The following AGBL4 variants were observed in gnomAD, a reference collection of about 807,000 sequenced individuals.
AGBL4 encodes the protein cytosolic carboxypeptidase 6.
AGBL4 carries 58 observed loss-of-function variants against 66.4 expected under a neutral mutation model. The observed-to-expected ratio is 0.87, with a 90% CI of 0.71 to 1.09. The LOEUF (loss-of-function observed/expected upper bound fraction) is 1.09, where lower values mean the gene tolerates loss of function less well. Among genes scored for constraint, AGBL4 ranks in the 50% least tolerant of loss-of-function variants. AGBL4 has a pLI of 0.00. For missense variants in AGBL4, 579 were observed against 631.0 expected (o/e 0.92, Z 0.88); for synonymous variants, 234 against 222.9 (o/e 1.05, Z -0.44).
At chr1:50,005,832 A>C (rs1011840680) in intron 1 of AGBL4, among the ~76,000 whole-genome samples, 14 of 152,240 alleles carry the variant, frequency 9.2e-5, no homozygotes, top group African/African-American at 3.4e-4. Flanking sequence ...ATCAAGCAGA[A>C]AATCTGTAGT....
intron 5 of AGBL4, among the ~76,000 whole-genome samples, chr1:49,019,463 A>G (rs1663075033): frequency 6.6e-6 from 1 of 152,204 alleles, no homozygotes; most frequent in Non-Finnish European, 1.5e-5. Flanking sequence ...AGTGTAGAAA[A>G]TGTAAATGAA....
chr1:49,318,723 C>A (rs1221263937), intron 3 of AGBL4, among the ~76,000 whole-genome samples: 1 of 152,006 alleles, frequency 6.6e-6, no homozygotes, highest in African/African-American at 2.4e-5. Context: ...GATTGAAAGG[C>A]AGGCAATCTG....
intron 4 of AGBL4, among the ~76,000 whole-genome samples, chr1:49,115,509 T>C (rs558901972): frequency 1.3e-5 from 2 of 152,318 alleles, no homozygotes; most frequent in South Asian, 2.1e-4. Context: ...CAATAGCCTG[T>C]ATTTATATCC....
Position 49,936,632 on chromosome 1 carries a change from G to A in AGBL4, c.35-85114C>T, listed in dbSNP as rs372882316. Among the ~76,000 whole-genome samples the A allele has an allele frequency of 4.6e-4, 70 of 152,242 alleles. No individual in the cohort carries two copies. The East Asian group carries it at 5.6e-3, about 12-fold the overall frequency. On this transcript the variant is annotated intron_variant, in intron 1 of 13. Transcript: ENST00000371839. Reference sequence around the variant, plus strand: ...AAGGGAAGCCCATCAGACTAACAGCGGATCTCTCGGCAGAAACTCTACAAG... The same window carrying A: ...AAGGGAAGCCCATCAGACTAACAGCAGATCTCTCGGCAGAAACTCTACAAG...
intron 12 of AGBL4, among the ~76,000 whole-genome samples, chr1:48,537,349 A>G (rs188524701): frequency 6.6e-5 from 10 of 152,228 alleles, no homozygotes; most frequent in African/African-American, 1.7e-4. Flanking sequence ...ATGAGGAAGG[A>G]GCTCTCTAGA....
At chr1:49,238,069 T>G (rs1381108322) in intron 4 of AGBL4, among the ~76,000 whole-genome samples, 1 of 152,182 alleles carries the variant, frequency 6.6e-6, no homozygotes, top group Non-Finnish European at 1.5e-5. Flanking sequence ...CTGTATTCCA[T>G]TTTATTCCTA....
intron 4 of AGBL4, among the ~76,000 whole-genome samples, chr1:49,112,392 G>T (rs757107219): frequency 6.7e-4 from 102 of 152,270 alleles, no homozygotes; most frequent in Non-Finnish European, 1.0e-3. Flanking sequence ...TCATGTTCAC[G>T]GCTACTGACT....
At chr1:49,050,940 G>A (rs1644198347) in intron 4 of AGBL4, among the ~76,000 whole-genome samples, 1 of 152,052 alleles carries the variant, frequency 6.6e-6, no homozygotes, top group South Asian at 2.1e-4. Flanking sequence ...TTTCTGTTGA[G>A]ACCTCTCAGC....
At chr1:49,118,355 G>A (rs900064836) in intron 4 of AGBL4, among the ~76,000 whole-genome samples, 1 of 152,120 alleles carries the variant, frequency 6.6e-6, no homozygotes, top group Admixed American at 6.6e-5. Flanking sequence ...CTGTGGGTTT[G>A]TCATAAATGG....
At chr1:49,979,116 T>A (rs1487233065) in intron 1 of AGBL4, among the ~76,000 whole-genome samples, 1 of 152,226 alleles carries the variant, frequency 6.6e-6, no homozygotes, top group Non-Finnish European at 1.5e-5. Context: ...CTTTTATAAT[T>A]TACTACTGTA....
At chr1:49,545,726 T>A (rs944882583) in intron 3 of AGBL4, among the ~76,000 whole-genome samples, 1 of 152,212 alleles carries the variant, frequency 6.6e-6, no homozygotes, top group Non-Finnish European at 1.5e-5. Flanking sequence ...TAAACATTCC[T>A]TAAATGATTT....
chr1:49,462,708 TAA>T (rs1646541785), intron 3 of AGBL4, among the ~76,000 whole-genome samples: 1 of 151,718 alleles, frequency 6.6e-6, no homozygotes, highest in Non-Finnish European at 1.5e-5. Flanking sequence ...ATATTGTTTC[TAA>T]GAGAGGAGGA....
chr1:48,753,118 G>A (rs541304401), intron 6 of AGBL4, among the ~76,000 whole-genome samples: 2 of 152,292 alleles, frequency 1.3e-5, no homozygotes, highest in Admixed American at 6.5e-5. Context: ...AGGAAACTAA[G>A]GCTGAGGAAG....
At chr1:48,965,214 G>T (rs1053515571) in intron 5 of AGBL4, among the ~76,000 whole-genome samples, 1 of 152,154 alleles carries the variant, frequency 6.6e-6, no homozygotes, top group Non-Finnish European at 1.5e-5. Context: ...CAGGGATACA[G>T]GATTGCAAAG....
chr1:49,792,808 T>C (rs1364063336), intron 2 of AGBL4, among the ~76,000 whole-genome samples: 1 of 152,018 alleles, frequency 6.6e-6, no homozygotes, highest in East Asian at 1.9e-4. Context: ...AGGAATATAG[T>C]AGAAATTCAG....
chr1:49,851,334 A>G (rs1268605704), intron 2 of AGBL4, 62 bp downstream of exon 2: 15 of 1,469,822 alleles, frequency 1.0e-5, no homozygotes, highest in African/African-American at 2.9e-5. Context: ...ATAAAATTCA[A>G]TTCTGAAAAA....
downstream of AGBL4, among the ~76,000 whole-genome samples, chr1:48,531,380 A>G (rs1442096469): frequency 2.6e-5 from 4 of 152,168 alleles, no homozygotes; most frequent in Non-Finnish European, 4.4e-5. Context: ...AGTCCAGAGA[A>G]ATGACATGAG....
chr1:48,588,847 G>T (rs1355995000), intron 10 of AGBL4, among the ~76,000 whole-genome samples: 2 of 151,688 alleles, frequency 1.3e-5, no homozygotes, highest in East Asian at 1.9e-4. Flanking sequence ...GAAGAGAAGA[G>T]AAGAGAAGAG....
chr1:49,948,568 T>A (rs1369450127), intron 1 of AGBL4, among the ~76,000 whole-genome samples: 4,513 of 70,388 alleles, frequency 0.064, 165 homozygotes, highest in African/African-American at 0.16. Flanking sequence ...TATAAAAATA[T>A]ATATATATAT....
Sources: gnomAD v4.1 joint callset for allele counts (sites outside exome capture counted in the v4.1 genomes callset) on GRCh38, gnomAD v4.1.1 for gene constraint, MANE v1.5 for transcripts, NCBI Gene and HGNC (gene_info 2026-07-23, HGNC 2026-07-21) for gene names.